The following HCN1 variants were observed in gnomAD, a reference collection of about 807,000 sequenced individuals.
HCN1 encodes the protein hyperpolarization activated cyclic nucleotide gated potassium channel 1, also known as potassium/sodium hyperpolarization-activated cyclic nucleotide-gated channel 1.
HCN1 carries 13 observed loss-of-function variants against 78.9 expected under a neutral mutation model. The observed-to-expected ratio is 0.16, with a 90% confidence interval of 0.11 to 0.26. The LOEUF (loss-of-function observed/expected upper bound fraction) is 0.26, where lower values mean the gene tolerates loss of function less well. Among genes scored for constraint, HCN1 ranks in the 10% least tolerant of loss-of-function variants. HCN1 has a pLI of 1.00. For synonymous variants in HCN1, 552 were observed against 455.5 expected, an observed-to-expected ratio of 1.21 and a Z score of -2.70; for missense variants, 810 against 1,154.3, an observed-to-expected ratio of 0.70 and a Z score of 4.32.
intron 2 of HCN1, among the ~76,000 whole-genome samples, chr5:45,605,330 A>C (rs901612174): frequency 7.9e-5 from 12 of 151,990 alleles, no homozygotes; most frequent in Non-Finnish European, 1.3e-4. Context: ...TTATTCTCCA[A>C]AAAGAATTGT....
chr5:45,499,184 G>C (rs1742130724), intron 2 of HCN1, among the ~76,000 whole-genome samples: 2 of 152,204 alleles, frequency 1.3e-5, no homozygotes, highest in African/African-American at 4.8e-5. Context: ...CCCGAGCTTT[G>C]CTGCCGCCTT....
At chr5:45,417,687 GC>G (rs1277528898) in intron 3 of HCN1, among the ~76,000 whole-genome samples, 1 of 135,978 alleles carries the variant, frequency 7.4e-6, no homozygotes, top group African/African-American at 2.8e-5. Flanking sequence ...ATTTAATTTA[GC>G]CAAGCAGACA....
intron 4 of HCN1, among the ~76,000 whole-genome samples, chr5:45,376,266 TATTCTATATAGAATATATAG>T (rs1747667323): frequency 1.5e-5 from 2 of 136,050 alleles, no homozygotes; most frequent in South Asian, 4.3e-4. Flanking sequence ...ATAGAATATA[TATTCTATATAGAATATATAG>T]ATATATATTG....
rs112113225 is a variant in HCN1, at chr5:45,431,218, C to T, written c.1011+30628G>A. 1.2e-4 allele frequency among the ~76,000 whole-genome samples: 18 copies of T among 152,200 alleles called. 1 individual carries two copies. Among genetic ancestry groups the T allele is most frequent in the African/African-American group, 3.8e-4 (16 of 41,564 alleles). On this transcript the variant is annotated intron_variant, in intron 3 of 7. Transcript: ENST00000303230. Reference sequence around the variant, plus strand: ...GTAATGTTGAATACTTTTTCATATGCACTTGTTGGCTGCATGTATGTCTTC... The same window carrying T: ...GTAATGTTGAATACTTTTTCATATGTACTTGTTGGCTGCATGTATGTCTTC...
chr5:45,428,885 ATG>A (rs1740408013), intron 3 of HCN1, among the ~76,000 whole-genome samples: 1 of 152,118 alleles, frequency 6.6e-6, no homozygotes, highest in Admixed American at 6.5e-5. Flanking sequence ...AATGTTTCAT[ATG>A]TAATCGGAAA....
At chr5:45,297,495 C>G (rs139852940) in intron 6 of HCN1, among the ~76,000 whole-genome samples, 1 of 152,022 alleles carries the variant, frequency 6.6e-6, no homozygotes, top group Non-Finnish European at 1.5e-5. Flanking sequence ...AAATAAATCA[C>G]CAGGCCCAAA....
chr5:45,613,302 A>G (rs888497609), intron 2 of HCN1, among the ~76,000 whole-genome samples: 3 of 151,660 alleles, frequency 2.0e-5, no homozygotes, highest in African/African-American at 4.8e-5. Flanking sequence ...ATGTTTTCCA[A>G]TTTCATCCAT....
intron 2 of HCN1, among the ~76,000 whole-genome samples, chr5:45,550,749 C>G (rs1332840266): frequency 6.6e-6 from 1 of 152,012 alleles, no homozygotes; most frequent in African/African-American, 2.4e-5. Flanking sequence ...TTAGCTTAAA[C>G]TTGAAAATGT....
At chr5:45,472,550 TGGAG>T (rs1361735036) in intron 2 of HCN1, among the ~76,000 whole-genome samples, 3 of 71,184 alleles carry the variant, frequency 4.2e-5, no homozygotes, top group Non-Finnish European at 8.6e-5. Context: ...GAGGGAGGGA[TGGAG>T]GGAGGGAGGA....
At chr5:45,557,731 T>C (rs1442048465) in intron 2 of HCN1, among the ~76,000 whole-genome samples, 3 of 152,112 alleles carry the variant, frequency 2.0e-5, no homozygotes, top group African/African-American at 7.2e-5. Flanking sequence ...ATCTTTGATG[T>C]TACTAATGTA....
chr5:45,584,587 T>G (rs1744161880), intron 2 of HCN1, among the ~76,000 whole-genome samples: 1 of 152,176 alleles, frequency 6.6e-6, no homozygotes, highest in African/African-American at 2.4e-5. Flanking sequence ...GTTAGCTGGT[T>G]ATTTTGCTCC....
At chr5:45,262,896 G>T (rs1744779064) in intron 7 of HCN1, 86 bp from the exon 8 acceptor site, 8 of 1,419,364 alleles carry the variant, frequency 5.6e-6, no homozygotes, top group Non-Finnish European at 6.9e-6. Flanking sequence ...GCAAACAGAA[G>T]TATAGCTGTG....
chr5:45,349,347 CAG>C (rs1319385164), intron 5 of HCN1, among the ~76,000 whole-genome samples: 1 of 152,190 alleles, frequency 6.6e-6, no homozygotes, highest in Non-Finnish European at 1.5e-5. Context: ...CACAACATAA[CAG>C]AATCTCTGGG....
chr5:45,590,842 G>A (rs1744345967), intron 2 of HCN1, among the ~76,000 whole-genome samples: 1 of 152,104 alleles, frequency 6.6e-6, no homozygotes. Context: ...TGGTTTGTTT[G>A]TTTTTCACAG....
At chr5:45,412,673 T>G (rs1740046021) in intron 3 of HCN1, among the ~76,000 whole-genome samples, 1 of 152,082 alleles carries the variant, frequency 6.6e-6, no homozygotes, top group Non-Finnish European at 1.5e-5. Context: ...TATGTTGCAT[T>G]TAAGTCAGTA....
At chr5:45,559,654 A>C (rs1161382894) in intron 2 of HCN1, 1 of 152,220 alleles carries the variant, frequency 6.6e-6, no homozygotes, top group Admixed American at 6.5e-5. Flanking sequence ...GATGGAATCT[A>C]CTCATAGTGA....
At chr5:45,676,657 T>A (rs1276749826) in intron 1 of HCN1, among the ~76,000 whole-genome samples, 1 of 151,216 alleles carries the variant, frequency 6.6e-6, no homozygotes, top group Non-Finnish European at 1.5e-5. Context: ...CCAGAGAATA[T>A]TTGCAGTCTC....
At chr5:45,587,902 A>G (rs1241132971) in intron 2 of HCN1, among the ~76,000 whole-genome samples, 1 of 152,068 alleles carries the variant, frequency 6.6e-6, no homozygotes, top group Non-Finnish European at 1.5e-5. Flanking sequence ...TGCCCTTATT[A>G]ATGAGGTCAC....
At chr5:45,532,587 T>C (rs982808521) in intron 2 of HCN1, among the ~76,000 whole-genome samples, 2 of 152,182 alleles carry the variant, frequency 1.3e-5, no homozygotes, top group African/African-American at 2.4e-5. Flanking sequence ...CTTCTTGGAA[T>C]GAGGCAAAAT....
Sources: gnomAD v4.1 joint callset for allele counts (sites outside exome capture counted in the v4.1 genomes callset) on GRCh38, gnomAD v4.1.1 for gene constraint, MANE v1.5 for transcripts, NCBI Gene and HGNC (gene_info 2026-07-23, HGNC 2026-07-21) for gene names.